Variants in NEBL observed in about 807,000 individuals in gnomAD.
The protein encoded by NEBL is LIM and SH3 protein 2.
NEBL carries 122 observed loss-of-function variants against 140.2 expected under a neutral mutation model. The ratio of observed to expected loss-of-function variants is 0.87; its 90% CI spans 0.75 to 1.01. The LOEUF (loss-of-function observed/expected upper bound fraction) is 1.01, where lower values mean the gene tolerates loss of function less well. Among genes scored for constraint, NEBL ranks in the 50% least tolerant of loss-of-function variants. The pLI, the probability that NEBL is intolerant of heterozygous loss-of-function variation, is 0.00. For synonymous variants in NEBL, 436 were observed against 398.9 expected (o/e 1.09, Z -1.11); for missense variants, 1,365 against 1,231.3 (o/e 1.11, Z -1.62).
chr10:21,101,312 T>C (rs533168612), intron 2 of NEBL, among the ~76,000 whole-genome samples: 1 of 152,340 alleles, frequency 6.6e-6, no homozygotes, highest in South Asian at 2.1e-4. Context: ...TCTCAGTTCT[T>C]CCAAGGTAAG....
At chr10:21,101,478 C>G (rs1837474333) in intron 2 of NEBL, among the ~76,000 whole-genome samples, 2 of 152,186 alleles carry the variant, frequency 1.3e-5, no homozygotes, top group African/African-American at 4.8e-5. Flanking sequence ...ATGATAAGAG[C>G]CACTGTGAAA....
chr10:21,287,708 T>G (rs541840394), intron 1 of NEBL, among the ~76,000 whole-genome samples: 1 of 152,204 alleles, frequency 6.6e-6, no homozygotes, highest in African/African-American at 2.4e-5. Context: ...ATAGAAGAAA[T>G]GTTAAATGTT....
At chr10:20,848,648 G>A (rs1588784090) in intron 11 of NEBL, among the ~76,000 whole-genome samples, 1 of 152,232 alleles carries the variant, frequency 6.6e-6, no homozygotes, top group East Asian at 1.9e-4. Context: ...GATCTAGGCT[G>A]TGCACTCCTT....
intron 10 of NEBL, among the ~76,000 whole-genome samples, chr10:20,851,119 T>C (rs1588798215): frequency 6.6e-6 from 1 of 152,268 alleles, no homozygotes; most frequent in East Asian, 1.9e-4. Context: ...ATAAAATGAG[T>C]GATATTTTTT....
At chr10:20,919,368 G>T (rs886148739) in intron 4 of NEBL, among the ~76,000 whole-genome samples, 1 of 152,180 alleles carries the variant, frequency 6.6e-6, no homozygotes, top group East Asian at 1.9e-4. Context: ...AATAAGGGTA[G>T]CCCATTCATA....
At chr10:21,069,671 C>T (rs1414914518) in intron 2 of NEBL, among the ~76,000 whole-genome samples, 2 of 152,156 alleles carry the variant, frequency 1.3e-5, no homozygotes, top group Non-Finnish European at 2.9e-5. Flanking sequence ...AGAAATGGTT[C>T]ATGTTACACA....
chr10:21,248,149 C>A (rs182495810), intron 2 of NEBL: 2 of 192,490 alleles, frequency 1.0e-5, no homozygotes, highest in Non-Finnish European at 2.4e-5. Flanking sequence ...TGGCTCGCTG[C>A]CCCCTCGACC....
At chr10:20,856,714 C>A (rs1362482322) in intron 9 of NEBL, among the ~76,000 whole-genome samples, 1 of 152,092 alleles carries the variant, frequency 6.6e-6, no homozygotes, top group Non-Finnish European at 1.5e-5. Flanking sequence ...ATTCTGGGCC[C>A]TCCAGATATT....
rs752447171 is a variant in NEBL at position 20,828,596 on chromosome 10, G to C, written c.1710C>G (p.Asn570Lys). ...CAGGAGTATCTGCTATGGTAGAATA[G>C]TTAGAAAGCATCTTCTCTGCTTCAT... ...YKDEAEKMLS[N>K]YSTIADTPEI... The change falls in exon 17 of 28, where the codon AAC becomes AAG. Residue 570 changes from asparagine (N) to lysine (K), a missense_variant. Physicochemically the swap from Asn to Lys is moderately conservative, Grantham distance 94 (BLOSUM62 0). This residue lies in a region of NEBL where 1,323 missense variants were observed against 1,154.8 expected (regional missense o/e 1.15). Transcript: ENST00000377122. 5.6e-6 allele frequency: 9 copies of C among 1,592,982 alleles called. 1 individual carries two copies. The East Asian group carries it at 2.0e-4, about 36-fold the overall frequency.
At chr10:21,030,689 A>T in intron 2 of NEBL, 1 of 485,530 alleles carries the variant, frequency 2.1e-6, no homozygotes. Context: ...CACACTGGGA[A>T]CTCTAGCCAT....
At chr10:20,878,899 C>A (rs1185130903) in intron 5 of NEBL, among the ~76,000 whole-genome samples, 1 of 152,102 alleles carries the variant, frequency 6.6e-6, no homozygotes, top group Admixed American at 6.6e-5. Context: ...AAGCCCAGTT[C>A]TATGATAAGG....
At chr10:21,253,464 G>A (rs1418765522) in intron 1 of NEBL, among the ~76,000 whole-genome samples, 3 of 151,832 alleles carry the variant, frequency 2.0e-5, no homozygotes, top group African/African-American at 7.3e-5. Context: ...CGCATGCTGG[G>A]ATAAACTAGA....
intron 2 of NEBL, among the ~76,000 whole-genome samples, chr10:21,154,780 C>T (rs1430257690): frequency 6.6e-6 from 1 of 152,192 alleles, no homozygotes; most frequent in Non-Finnish European, 1.5e-5. Flanking sequence ...TTTGAAAATG[C>T]ATTCCAATTT....
At chr10:20,886,180 A>T (rs1564420812) in intron 4 of NEBL, among the ~76,000 whole-genome samples, 1 of 151,728 alleles carries the variant, frequency 6.6e-6, no homozygotes, top group African/African-American at 2.4e-5. Context: ...CCCAGAACTT[A>T]AAAAAAATTT....
chr10:20,947,461 C>G (rs887005818), intron 4 of NEBL, among the ~76,000 whole-genome samples: 1 of 152,100 alleles, frequency 6.6e-6, no homozygotes, highest in Non-Finnish European at 1.5e-5. Context: ...ATTCCCCTCC[C>G]CACCCCACTA....
intron 3 of NEBL, among the ~76,000 whole-genome samples, chr10:21,209,315 C>T (rs1451613957): frequency 2.6e-5 from 4 of 152,134 alleles, no homozygotes; most frequent in African/African-American, 7.2e-5. Flanking sequence ...ACAGGACGTT[C>T]GGTTAAATTT....
rs1028993582 is a variant in NEBL, at chr10:20,818,976, C to T, written c.2055+448G>A. ...TTATTATTGCAGTTGTTAAATTTTA[C>T]AAAAGAATTAATGCTGCATGTACAT... On this transcript the variant is annotated intron_variant, in intron 20 of 27. Coordinates refer to ENST00000377122, the MANE Select transcript of NEBL (RefSeq NM_006393.3). 1.0e-5 allele frequency: 10 copies of T among 958,978 alleles called. No homozygotes were observed. In the South Asian group the frequency reaches 4.3e-4, roughly 41 times the overall value. 59.4% of individuals were successfully genotyped at this position (958,978 alleles called of 1,614,324 possible). A position where few individuals can be genotyped will look rare whatever the true frequency, so the allele number is the denominator to read the frequency against.
chr10:21,169,756 C>A (rs760517530), intron 2 of NEBL, among the ~76,000 whole-genome samples: 1 of 152,102 alleles, frequency 6.6e-6, no homozygotes, highest in Non-Finnish European at 1.5e-5. Flanking sequence ...AAGTAGACTT[C>A]CAGGTTCAAA....
chr10:20,918,592 T>C (rs934013863), intron 4 of NEBL, among the ~76,000 whole-genome samples: 2 of 152,024 alleles, frequency 1.3e-5, no homozygotes, highest in African/African-American at 2.4e-5. Context: ...GGCTCATGCC[T>C]GTAATCCCAG....
Sources: allele counts gnomAD v4.1 joint callset (sites outside exome capture counted in the v4.1 genomes callset), GRCh38; gene constraint gnomAD v4.1.1; regional missense constraint gnomAD v4.1.1; transcripts MANE v1.5; gene names NCBI Gene and HGNC (gene_info 2026-07-23, HGNC 2026-07-21).